The following TRPM4 variants were observed in gnomAD, a reference collection of about 807,000 sequenced individuals.
The protein encoded by TRPM4 is transient receptor potential cation channel subfamily M member 4.
In TRPM4, 124 loss-of-function variants were observed where a neutral mutation model predicts 135.6. The ratio of observed to expected loss-of-function variants is 0.91; its 90% CI spans 0.79 to 1.06. The LOEUF is 1.06. TRPM4 is among the 50% of genes least tolerant of loss of function. The pLI, the probability that TRPM4 is intolerant of heterozygous loss-of-function variation, is 0.00. For synonymous variants in TRPM4, 745 were observed against 705.6 expected (o/e 1.06, Z -0.88); for missense variants, 1,658 against 1,671.4 (o/e 0.99, Z 0.14).
rs765605358 is a variant in TRPM4 at position 49,167,993 on chromosome 19, C to T, written c.344C>T (p.Pro115Leu). The part of the protein sequence containing the change: ...LVTRTWGFRA[P>L]NLVVSVLGGS... ...ACACGCACATGGGGCTTCCGTGCCC[C>T]GAACCTGGTGGTGTCAGTGCTGGGG... is the stretch of plus-strand genomic sequence containing the variant. Residue 115 changes from proline to leucine, a missense_variant, in exon 4 of 25, where the codon CCG (proline) becomes CTG (leucine). This residue lies in a region of TRPM4 where 239 missense variants were observed against 240.1 expected (regional missense o/e 1.00). Coordinates refer to ENST00000252826, the MANE Select transcript of TRPM4 (RefSeq NM_017636.4). The T allele has an allele frequency of 5.0e-6, 8 of 1,613,902 alleles. No homozygotes were observed. The Admixed American group carries it at 5.0e-5, about 10-fold the overall frequency.
chr19:49,180,665 C>T (rs1188583203), intron 9 of TRPM4, among the ~76,000 whole-genome samples: 3 of 151,924 alleles, frequency 2.0e-5, no homozygotes, highest in East Asian at 3.9e-4. Context: ...TATTATATGC[C>T]TATAGATGCC....
intron 3 of TRPM4, among the ~76,000 whole-genome samples, chr19:49,166,799 TC>T (rs1440346006): frequency 1.4e-5 from 2 of 144,624 alleles, no homozygotes; most frequent in South Asian, 2.3e-4. Context: ...GGCCTCTGTT[TC>T]CCCTTTTCTC....
chr19:49,179,313 C>T (rs1194522318), intron 9 of TRPM4, among the ~76,000 whole-genome samples: 4 of 152,000 alleles, frequency 2.6e-5, no homozygotes, highest in African/African-American at 9.7e-5. Flanking sequence ...CCTCGGCCTC[C>T]CAAGGTGTTG....
In TRPM4 at chr19:49,171,569, A is replaced by C. The variant is rs1600420450; in HGVS notation, c.859-9A>C. The C allele has an allele frequency of 6.2e-7, 1 of 1,614,014 alleles. No homozygotes were observed. Among genetic ancestry groups the C allele is most frequent in the South Asian group, 1.1e-5 (1 of 91,076 alleles). The stretch of plus-strand genomic sequence containing the variant: ...GACGTGATGAATAAAGAATGCCTTT[A>C]TCCTGTAGCGAATAGAGAACGCCAC... On this transcript the variant is annotated splice_polypyrimidine_tract_variant and intron_variant, in intron 7 of 24. Coordinates refer to ENST00000252826, the MANE Select transcript of TRPM4 (RefSeq NM_017636.4). The surrounding 1 kb of genome is among the most constrained non-coding windows in gnomAD (Gnocchi z 4.7).
chr19:49,194,838 C>T (rs1968570337), intron 16 of TRPM4, among the ~76,000 whole-genome samples: 1 of 148,746 alleles, frequency 6.7e-6, no homozygotes, highest in Admixed American at 6.8e-5. Context: ...TCTTGGCTCA[C>T]TGCAGCCTCA....
In TRPM4 at chr19:49,211,475, C is replaced by G. The variant is rs7256050; in HGVS notation, c.3641-19C>G. 8,921 of 1,614,002 alleles carry G rather than the reference C, an allele frequency of 5.5e-3. 141 individuals carry two copies. In the Middle Eastern group the frequency reaches 0.063, roughly 11 times the overall value. The stretch of plus-strand genomic sequence containing the variant: ...CTTCCCTGCCAATCACCTGCTCTCT[C>G]TTTTCTCTCTTCCCCCAGACTGAGC... On this transcript the variant is annotated intron_variant, in intron 24 of 24. Coordinates refer to ENST00000252826, the MANE Select transcript of TRPM4 (RefSeq NM_017636.4). This position sits in a 1 kb window ranked among gnomAD's most constrained non-coding sequence, Gnocchi z 4.8.
chr19:49,197,693 T>C (rs556756059), intron 17 of TRPM4, among the ~76,000 whole-genome samples: 220 of 151,600 alleles, frequency 1.5e-3, no homozygotes, highest in Non-Finnish European at 1.8e-3. Flanking sequence ...CTTTTCTTTT[T>C]TTTTTTTGAG....
chr19:49,197,532 C>A (rs1968743225), intron 17 of TRPM4, among the ~76,000 whole-genome samples: 1 of 147,448 alleles, frequency 6.8e-6, no homozygotes, highest in Non-Finnish European at 1.5e-5. Flanking sequence ...TCCTTCCATC[C>A]CTCCAAGCTA....
At chr19:49,179,443 C>T (rs1226546532) in intron 9 of TRPM4, among the ~76,000 whole-genome samples, 2 of 151,928 alleles carry the variant, frequency 1.3e-5, no homozygotes, top group Non-Finnish European at 1.5e-5. Context: ...CTCCACCTCC[C>T]GGGTTCAAGC....
At chr19:49,205,739 T>A (rs1330801770) in intron 20 of TRPM4, among the ~76,000 whole-genome samples, 1 of 151,956 alleles carries the variant, frequency 6.6e-6, no homozygotes, top group Non-Finnish European at 1.5e-5. Flanking sequence ...TTTCACCATG[T>A]TGCCCAGGCC....
At position 49,171,782 on chromosome 19, in the gene TRPM4, G is replaced by C; in HGVS notation, c.1050+13G>C. 1 of 1,600,416 alleles carries C rather than the reference G, an allele frequency of 6.2e-7. No homozygotes were observed. The highest frequency in any genetic ancestry group is 8.5e-7 in the Non-Finnish European group (1 of 1,178,510). ...CCTGCAGGCCCAGGTATGACACTGG[G>C]GGCCCAACTCTGGATCCTGAGATGG... On this transcript the variant is annotated intron_variant, in intron 8 of 24. Transcript: ENST00000252826. This position sits in a 1 kb window ranked among gnomAD's most constrained non-coding sequence, Gnocchi z 4.7.
At position 49,188,738 on chromosome 19, in the gene TRPM4, A is replaced by C. The variant is rs1250436786; in HGVS notation, c.1841A>C (p.Asp614Ala). The change falls in exon 13 of 25, where the codon GAC becomes GCC. Residue 614 changes from aspartate (D) to alanine (A), a missense_variant. Physicochemically the swap from Asp to Ala is moderately radical, Grantham distance 126. Transcript: ENST00000252826. ...PDAEEAARRK[D>A]LAFKFEGMGV... ...GCTGAGGAGGCAGCACGGAGGAAAG[A>C]CCTGGCGTTCAAGTTTGAGGGGATG... The C allele has an allele frequency of 6.2e-7, 1 of 1,614,178 alleles. No individual in the cohort carries two copies. Among genetic ancestry groups the C allele is most frequent in the South Asian group, 1.1e-5 (1 of 91,090 alleles).
intron 2 of TRPM4, among the ~76,000 whole-genome samples, chr19:49,163,917 A>G (rs544102664): frequency 6.6e-6 from 1 of 152,332 alleles, no homozygotes; most frequent in South Asian, 2.1e-4. Flanking sequence ...GAGGCATGCC[A>G]GGGCCCTGGA....
In TRPM4 at chr19:49,210,654, A is replaced by G; in HGVS notation, c.3329-56A>G. On this transcript the variant is annotated intron_variant, in intron 21 of 24. Transcript: ENST00000252826. The surrounding 1 kb of genome is among the most constrained non-coding windows in gnomAD (Gnocchi z 4.1). ...GTGTTCTGAGGGTGTCGGAAGGGGCAGCTGGGATTGGGAAGGGGCGTGGCC... is the reference window on the plus strand; with the variant it reads ...GTGTTCTGAGGGTGTCGGAAGGGGCGGCTGGGATTGGGAAGGGGCGTGGCC... 13 of 1,613,318 alleles carry G rather than the reference A, an allele frequency of 8.1e-6. No homozygotes were observed. Among genetic ancestry groups the G allele is most frequent in the Non-Finnish European group, 1.1e-5 (13 of 1,179,752 alleles).
chr19:49,183,978 G>A (rs569250463), intron 12 of TRPM4, among the ~76,000 whole-genome samples: 4 of 151,730 alleles, frequency 2.6e-5, no homozygotes, highest in Non-Finnish European at 5.9e-5. Context: ...TTTCACCGTG[G>A]TCTTGATCTC....
chr19:49,197,460 T>TCTGC (rs1408934567), intron 17 of TRPM4, among the ~76,000 whole-genome samples: 2 of 110,548 alleles, frequency 1.8e-5, no homozygotes, highest in Admixed American at 1.0e-4. Flanking sequence ...CCTCTGCCCC[T>TCTGC]CTGCCTCCCT....
At chr19:49,165,710 G>A (rs1967143572) in intron 2 of TRPM4, among the ~76,000 whole-genome samples, 1 of 152,202 alleles carries the variant, frequency 6.6e-6, no homozygotes, top group African/African-American at 2.4e-5. Flanking sequence ...TGAACGTCAT[G>A]TGTTTGGATG....
At chr19:49,161,302 A>G (rs1403399343) in intron 2 of TRPM4, among the ~76,000 whole-genome samples, 2 of 146,116 alleles carry the variant, frequency 1.4e-5, no homozygotes, top group Non-Finnish European at 3.0e-5. Context: ...ATTTAAAAAT[A>G]TCTGTCTTCT....
Position 49,190,334 on chromosome 19 carries a change from G to A in TRPM4, c.2132+14G>A, listed in dbSNP as rs1321752937. The A allele has an allele frequency of 1.9e-6, 3 of 1,610,572 alleles. No individual in the cohort carries two copies. Among genetic ancestry groups the A allele is most frequent in the Non-Finnish European group, 2.5e-6 (3 of 1,176,982 alleles). On this transcript the variant is annotated intron_variant, in intron 15 of 24. Transcript: ENST00000252826. ...CATCACCTTCAGGTCAGTACCCTGGGGTGAGAGTGGTGGGGATGGGGGCGG... is the reference window on the plus strand; with the variant it reads ...CATCACCTTCAGGTCAGTACCCTGGAGTGAGAGTGGTGGGGATGGGGGCGG...
Sources: allele counts gnomAD v4.1 joint callset (sites outside exome capture counted in the v4.1 genomes callset), GRCh38; gene constraint gnomAD v4.1.1; regional missense constraint gnomAD v4.1.1; non-coding constraint Gnocchi (gnomAD v3.1); transcripts MANE v1.5; gene names NCBI Gene and HGNC (gene_info 2026-07-23, HGNC 2026-07-21).